CNBD1: variants seen among roughly 807,000 people sequenced by gnomAD.
The protein encoded by CNBD1 is cyclic nucleotide binding domain containing 1.
Under a neutral mutation model 54.4 loss-of-function variants are expected in CNBD1, and 71 were observed. The observed-to-expected ratio is 1.30, with a 90% CI of 1.08 to 1.59. CNBD1 has a LOEUF of 1.59. Ranked by LOEUF, CNBD1 falls within the 40% of genes most tolerant of loss-of-function variation. CNBD1 has a pLI of 0.00. For missense variants in CNBD1, 659 were observed against 518.0 expected, an observed-to-expected ratio of 1.27 and a Z score of -2.64; for synonymous variants, 182 against 170.7, an observed-to-expected ratio of 1.07 and a Z score of -0.51.
intron 8 of CNBD1, among the ~76,000 whole-genome samples, chr8:87,312,747 G>A (rs746966258): frequency 6.6e-6 from 1 of 151,826 alleles, no homozygotes; most frequent in Non-Finnish European, 1.5e-5. Flanking sequence ...AGAAGACTCA[G>A]AAATTTCAGC....
At chr8:87,275,753 T>C (rs1808465941) in intron 6 of CNBD1, among the ~76,000 whole-genome samples, 1 of 151,428 alleles carries the variant, frequency 6.6e-6, no homozygotes. Flanking sequence ...AAATAAAGGG[T>C]ATTCAATTAG....
chr8:87,187,904 C>A (rs1187763605), intron 4 of CNBD1, among the ~76,000 whole-genome samples: 1 of 152,108 alleles, frequency 6.6e-6, no homozygotes, highest in Non-Finnish European at 1.5e-5. Flanking sequence ...TAATAAAATC[C>A]TTGGATGACT....
chr8:87,353,720 T>C lies in CNBD1; in HGVS notation c.1237T>C (p.Phe413Leu). The C allele has an allele frequency of 6.2e-7, 1 of 1,612,066 alleles. No homozygotes were observed. Among genetic ancestry groups the C allele is most frequent in the Non-Finnish European group, 8.5e-7 (1 of 1,178,882 alleles). ...GATTAGCGTCCTTCTTCAAGTTCCTTTCACGTGCACAATCATTACCAAAAA... is the reference window on the plus strand; with the variant it reads ...GATTAGCGTCCTTCTTCAAGTTCCTCTCACGTGCACAATCATTACCAAAAA... ...GEISVLLQVP[F>L]TCTIITKKEV... The change falls in exon 10 of 11, where the codon TTC becomes CTC. Residue 413 changes from phenylalanine to leucine, a missense_variant. Phe to Leu is a conservative substitution (Grantham distance 22). Coordinates refer to ENST00000518476, the MANE Select transcript of CNBD1 (RefSeq NM_173538.3).
chr8:87,318,765 T>C (rs1429105445), intron 8 of CNBD1, among the ~76,000 whole-genome samples: 1 of 152,056 alleles, frequency 6.6e-6, no homozygotes, highest in Non-Finnish European at 1.5e-5. Flanking sequence ...TTTCAAAATA[T>C]ATATTGTATC....
At chr8:87,394,592 GC>G (rs1214730506) in intron 2 of CNBD1, among the ~76,000 whole-genome samples, 2 of 151,828 alleles carry the variant, frequency 1.3e-5, no homozygotes, top group Non-Finnish European at 2.9e-5. Context: ...TATAGTCAAT[GC>G]CATGGTGATA....
chr8:86,904,223 A>G (rs1464348657), intron 2 of CNBD1, among the ~76,000 whole-genome samples: 1 of 152,044 alleles, frequency 6.6e-6, no homozygotes, highest in Non-Finnish European at 1.5e-5. Flanking sequence ...TGCGGCAACT[A>G]TTGGCTAAGA....
intron 2 of CNBD1, among the ~76,000 whole-genome samples, chr8:86,891,487 A>G (rs767444307): frequency 1.3e-5 from 2 of 152,036 alleles, no homozygotes; most frequent in Non-Finnish European, 2.9e-5. Context: ...TGATTATACT[A>G]GCTGTATAAT....
chr8:87,354,808 G>T (rs1810390656), intron 10 of CNBD1, among the ~76,000 whole-genome samples: 1 of 152,158 alleles, frequency 6.6e-6, no homozygotes, highest in African/African-American at 2.4e-5. Flanking sequence ...GTCTATCACT[G>T]TTGGACATTT....
rs1808763430 is a variant in CNBD1, at chr8:87,290,342, T to A, written c.1042+3671T>A. On this transcript the variant is annotated intron_variant, in intron 8 of 10. Transcript: ENST00000518476. ...TTTTATTTGTTCCTGTGGACTTGAG[T>A]TGTCATCTGATATGCTTTCCTTAGT... Among the ~76,000 whole-genome samples, 3 of 152,258 alleles carry A rather than the reference T, an allele frequency of 2.0e-5. No individual in the cohort carries two copies. The South Asian group carries it at 6.2e-4, about 32-fold the overall frequency.
At chr8:86,874,203 G>A (rs1405757626) in intron 1 of CNBD1, among the ~76,000 whole-genome samples, 3 of 152,124 alleles carry the variant, frequency 2.0e-5, no homozygotes, top group Non-Finnish European at 2.9e-5. Flanking sequence ...TTAGGATCTT[G>A]CTGTCTTGTC....
chr8:87,296,516 T>C (rs1289554037), intron 8 of CNBD1, among the ~76,000 whole-genome samples: 1 of 152,086 alleles, frequency 6.6e-6, no homozygotes, highest in Non-Finnish European at 1.5e-5. Flanking sequence ...AATGGTGACA[T>C]CTTGAGTATG....
At chr8:87,214,082 T>G (rs1427403349) in intron 5 of CNBD1, among the ~76,000 whole-genome samples, 1 of 152,230 alleles carries the variant, frequency 6.6e-6, no homozygotes, top group Non-Finnish European at 1.5e-5. Context: ...TCCCATATCT[T>G]GGGCAGCTCC....
intron 4 of CNBD1, among the ~76,000 whole-genome samples, chr8:87,089,899 A>T (rs1290146931): frequency 6.6e-6 from 1 of 152,164 alleles, no homozygotes; most frequent in African/African-American, 2.4e-5. Flanking sequence ...CTGAAAAATT[A>T]GATATTCAGA....
chr8:87,331,090 G>T (rs949333036), intron 8 of CNBD1, among the ~76,000 whole-genome samples: 1 of 151,992 alleles, frequency 6.6e-6, no homozygotes, highest in Non-Finnish European at 1.5e-5. Flanking sequence ...GGATACATGT[G>T]CAGAACATGA....
chr8:87,256,009 ATATATATTTTTTTT>A (rs1380618446), intron 6 of CNBD1, among the ~76,000 whole-genome samples: 6 of 19,654 alleles, frequency 3.1e-4, no homozygotes, highest in Non-Finnish European at 4.8e-4. Context: ...ATATATATAT[ATATATATTTTTTTT>A]TTTTTTTTTT....
chr8:87,259,041 C>G (rs938891498), intron 6 of CNBD1, among the ~76,000 whole-genome samples: 1 of 152,134 alleles, frequency 6.6e-6, no homozygotes, highest in African/African-American at 2.4e-5. Flanking sequence ...TTTCATTCTC[C>G]TTACACACCT....
At chr8:87,405,998 T>C (rs113949575) in intron 2 of CNBD1, among the ~76,000 whole-genome samples, 2,772 of 152,294 alleles carry the variant, frequency 0.018, 85 homozygotes, top group African/African-American at 0.06. Context: ...CAGTTTTGCA[T>C]CTTATTCTCA....
chr8:86,941,607 A>G (rs974407633), intron 4 of CNBD1, among the ~76,000 whole-genome samples: 3 of 152,166 alleles, frequency 2.0e-5, no homozygotes, highest in African/African-American at 7.2e-5. Flanking sequence ...GGGACTTCCA[A>G]GCAGCTATGA....
chr8:87,162,071 A>G (rs886994716), intron 4 of CNBD1, among the ~76,000 whole-genome samples: 1 of 152,114 alleles, frequency 6.6e-6, no homozygotes, highest in Non-Finnish European at 1.5e-5. Context: ...GAGTCCAGAG[A>G]TACTGGGAGT....
Sources: allele counts gnomAD v4.1 joint callset (sites outside exome capture counted in the v4.1 genomes callset), GRCh38; gene constraint gnomAD v4.1.1; transcripts MANE v1.5; gene names NCBI Gene and HGNC (gene_info 2026-07-23, HGNC 2026-07-21).